The following SHOC2 variants were observed in gnomAD, a reference collection of about 807,000 sequenced individuals.
The protein encoded by SHOC2 is leucine-rich repeat protein SHOC-2.
In SHOC2, 4 loss-of-function variants were observed where a neutral mutation model predicts 50.2. The ratio of observed to expected loss-of-function variants is 0.08; its 90% confidence interval spans 0.04 to 0.18. The LOEUF (loss-of-function observed/expected upper bound fraction) is 0.18. SHOC2 is among the 10% of genes least tolerant of loss of function. SHOC2 has a pLI of 1.00. For synonymous variants in SHOC2, 218 were observed against 244.5 expected (o/e 0.89, Z 1.01); for missense variants, 388 against 669.6 (o/e 0.58, Z 4.64).
At chr10:111,010,734 T>C (rs920601359) in intron 8 of SHOC2, among the ~76,000 whole-genome samples, 5 of 152,158 alleles carry the variant, frequency 3.3e-5, no homozygotes, top group African/African-American at 1.2e-4. Flanking sequence ...GCCCTGCTGC[T>C]TATTGGCTTT....
intron 3 of SHOC2, 195 bp downstream of exon 3, chr10:110,985,960 G>T (rs190139834): frequency 2.1e-4 from 115 of 555,900 alleles, no homozygotes; most frequent in African/African-American, 1.8e-3. Context: ...TTTAGGAAAT[G>T]AGCCCAATGG....
At chr10:110,943,987 G>C (rs1407876235) in intron 1 of SHOC2, among the ~76,000 whole-genome samples, 3 of 152,184 alleles carry the variant, frequency 2.0e-5, no homozygotes, top group African/African-American at 7.2e-5. Flanking sequence ...TTTGCCCCAA[G>C]TGGCTGTGGA....
At chr10:110,928,571 A>G (rs1419205140) in intron 1 of SHOC2, among the ~76,000 whole-genome samples, 1 of 152,162 alleles carries the variant, frequency 6.6e-6, no homozygotes, top group Non-Finnish European at 1.5e-5. Context: ...GTTTTATGAT[A>G]TGAAAAAGGA....
chr10:110,965,317 C>T (rs573812373), intron 2 of SHOC2, among the ~76,000 whole-genome samples: 1 of 152,248 alleles, frequency 6.6e-6, no homozygotes, highest in East Asian at 1.9e-4. Flanking sequence ...CTTTAACTTT[C>T]ATTGGAGAAT....
At chr10:111,006,317 A>G (rs1036050683) in intron 5 of SHOC2, among the ~76,000 whole-genome samples, 3 of 152,250 alleles carry the variant, frequency 2.0e-5, no homozygotes, top group Non-Finnish European at 4.4e-5. Context: ...GATTTCTTTT[A>G]TGGGTCATTT....
At chr10:111,002,525 A>G (rs1848397264) in intron 4 of SHOC2, among the ~76,000 whole-genome samples, 1 of 152,198 alleles carries the variant, frequency 6.6e-6, no homozygotes, top group South Asian at 2.1e-4. Flanking sequence ...CATATTCCCA[A>G]GGCTTGAGTC....
intron 1 of SHOC2, among the ~76,000 whole-genome samples, chr10:110,948,183 AATAT>A (rs1366178030): frequency 6.6e-6 from 1 of 152,200 alleles, no homozygotes; most frequent in East Asian, 1.9e-4. Context: ...AATAGTTGTA[AATAT>A]ATATACACTC....
chr10:110,928,463 A>T (rs1465461252), intron 1 of SHOC2, among the ~76,000 whole-genome samples: 1 of 152,222 alleles, frequency 6.6e-6, no homozygotes, highest in Admixed American at 6.5e-5. Context: ...TTGATAAAAC[A>T]TACTTTTACT....
chr10:110,985,228 G>A (rs899234163), intron 2 of SHOC2, among the ~76,000 whole-genome samples: 2 of 151,980 alleles, frequency 1.3e-5, no homozygotes, highest in African/African-American at 4.8e-5. Flanking sequence ...TGATATTATT[G>A]TGCTGAATTT....
At chr10:111,000,344 A>C in intron 3 of SHOC2, 71 bp from the exon 4 acceptor site, 1 of 1,464,098 alleles carries the variant, frequency 6.8e-7, no homozygotes, top group Non-Finnish European at 9.5e-7. Context: ...TAGTTAGTAG[A>C]TAGCCTGTGA....
At chr10:110,953,746 A>T (rs902922821) in intron 1 of SHOC2, among the ~76,000 whole-genome samples, 8 of 151,440 alleles carry the variant, frequency 5.3e-5, no homozygotes, top group Non-Finnish European at 1.2e-4. Flanking sequence ...ATATATATAT[A>T]TTTTGATAGG....
In SHOC2 at chr10:110,964,691, T is replaced by C. The variant is rs758161464; in HGVS notation, c.333T>C (p.Ser111=). 5 of 1,614,168 alleles carry C rather than the reference T, an allele frequency of 3.1e-6. No individual in the cohort carries two copies. Among genetic ancestry groups the C allele is most frequent in the Non-Finnish European group, 4.2e-6 (5 of 1,180,014 alleles). ...NSMRLDLSKR[S]IHILPSSIKE... Reference sequence around the variant, plus strand: ...TGCGTTTGGACTTATCCAAGAGATCTATACACATATTGCCATCATCAATCA... The same window carrying C: ...TGCGTTTGGACTTATCCAAGAGATCCATACACATATTGCCATCATCAATCA... The change falls in exon 2 of 9, where the codon TCT becomes TCC. Residue 111 remains serine (S), a synonymous_variant. Transcript: ENST00000369452. This position sits in a 1 kb window ranked among gnomAD's most constrained non-coding sequence, Gnocchi z 4.9.
chr10:110,988,391 A>G (rs1848120706), intron 3 of SHOC2, among the ~76,000 whole-genome samples: 1 of 152,152 alleles, frequency 6.6e-6, no homozygotes, highest in South Asian at 2.1e-4. Flanking sequence ...ATATAGGGCT[A>G]TTCAGGTTAT....
At chr10:110,986,454 A>G (rs1397070306) in intron 3 of SHOC2, among the ~76,000 whole-genome samples, 1 of 152,046 alleles carries the variant, frequency 6.6e-6, no homozygotes, top group African/African-American at 2.4e-5. Context: ...TCAGTCATGA[A>G]TATTTAGTAT....
At chr10:110,985,795 C>T (rs1181737493) in intron 3 of SHOC2, 30 bp downstream of exon 3, 5 of 1,583,406 alleles carry the variant, frequency 3.2e-6, no homozygotes, top group Non-Finnish European at 4.3e-6. Flanking sequence ...ATATTGATAG[C>T]TGTTAATAGC....
intron 1 of SHOC2, among the ~76,000 whole-genome samples, chr10:110,927,506 AT>A (rs1799301063): frequency 6.6e-6 from 1 of 152,202 alleles, no homozygotes; most frequent in South Asian, 2.1e-4. Context: ...TCTTGAAGAC[AT>A]TTATTTCTGT....
chr10:110,970,298 T>C (rs1033812426), intron 2 of SHOC2, among the ~76,000 whole-genome samples: 9 of 152,228 alleles, frequency 5.9e-5, no homozygotes, highest in African/African-American at 2.2e-4. Flanking sequence ...ATGCAGTATT[T>C]ATATTTCTGT....
chr10:110,921,880 A>G (rs1413277301), intron 1 of SHOC2, among the ~76,000 whole-genome samples: 2 of 152,120 alleles, frequency 1.3e-5, no homozygotes, highest in Non-Finnish European at 2.9e-5. Context: ...CATTATTAAT[A>G]TAATTTTTAA....
At chr10:110,994,241 G>T (rs1173687119) in intron 3 of SHOC2, among the ~76,000 whole-genome samples, 6 of 152,144 alleles carry the variant, frequency 3.9e-5, no homozygotes, top group African/African-American at 1.4e-4. Context: ...GTTCACTTCT[G>T]CTGGCCTTGC....
Sources: allele counts gnomAD v4.1 joint callset (sites outside exome capture counted in the v4.1 genomes callset), GRCh38; gene constraint gnomAD v4.1.1; non-coding constraint Gnocchi (gnomAD v3.1); transcripts MANE v1.5; gene names NCBI Gene and HGNC (gene_info 2026-07-23, HGNC 2026-07-21).